The following PGR variants were observed in gnomAD, a reference collection of about 807,000 sequenced individuals.
The protein encoded by PGR is nuclear receptor subfamily 3 group C member 3.
PGR carries 25 observed loss-of-function variants against 76.1 expected under a neutral mutation model. The ratio of observed to expected loss-of-function variants is 0.33; its 90% CI spans 0.24 to 0.46. PGR has a LOEUF of 0.46. PGR is among the 20% of genes least tolerant of loss of function. PGR has a pLI of 1.00. For synonymous variants in PGR, 579 were observed against 535.0 expected (o/e 1.08, Z -1.14); for missense variants, 1,172 against 1,225.3 (o/e 0.96, Z 0.65).
intron 3 of PGR, among the ~76,000 whole-genome samples, chr11:101,078,980 C>A (rs970371968): frequency 7.9e-5 from 12 of 152,178 alleles, no homozygotes; most frequent in South Asian, 2.1e-4. Flanking sequence ...TAAAGCCATG[C>A]ATTAACAGTC....
chr11:101,091,878 TAAA>T lies in PGR; in HGVS notation c.1790-5_1790-3del. 1 of 1,494,784 alleles carries T rather than the reference TAAA, an allele frequency of 6.7e-7. No homozygotes were observed. Among genetic ancestry groups the T allele is most frequent in the East Asian group, 2.3e-5 (1 of 44,230 alleles). 92.6% of individuals were successfully genotyped at this position (1,494,784 alleles called of 1,614,324 possible). ...CAGCACATAAGTAGTTGTGCTGCCC[TAAA>T]AAAACAAAATGAGTCAAAATTATTT... On this transcript the variant is annotated splice_polypyrimidine_tract_variant and splice_region_variant and intron_variant, in intron 2 of 7. Transcript: ENST00000325455.
At position 101,030,180 on chromosome 11, in the gene PGR, C is replaced by T. The variant is rs1015352220; in HGVS notation, c.*8936G>A. 9.1e-6 allele frequency: 2 copies of T among 219,746 alleles called. No individual in the cohort carries two copies. Among genetic ancestry groups the T allele is most frequent in the Non-Finnish European group, 1.8e-5 (2 of 109,786 alleles). The allele number at this position is 219,746 out of a possible 1,614,324, so 13.6% of individuals were successfully genotyped here. On this transcript the variant is annotated 3_prime_UTR_variant, in exon 8 of 8. Coordinates refer to ENST00000325455, the MANE Select transcript of PGR (RefSeq NM_000926.4). Reference sequence around the variant, plus strand: ...TAGTAGCATTAATAACTAAATAGGGCGTGAGTCATGAGAAAGATTCCCTGC... The same window carrying T: ...TAGTAGCATTAATAACTAAATAGGGTGTGAGTCATGAGAAAGATTCCCTGC...
intron 3 of PGR, among the ~76,000 whole-genome samples, chr11:101,079,080 T>C (rs1212718790): frequency 2.0e-5 from 3 of 152,092 alleles, no homozygotes; most frequent in African/African-American, 7.2e-5. Context: ...GCTACCTATA[T>C]GCAGAAAACA....
chr11:101,038,952 G>T lies in PGR; in HGVS notation c.*164C>A. On this transcript the variant is annotated 3_prime_UTR_variant, in exon 8 of 8. Coordinates refer to ENST00000325455, the MANE Select transcript of PGR (RefSeq NM_000926.4). ...AACATTCTAATTATACTTTATAAAA[G>T]AAAATAATTAGAACCTCACAATTTT... 1 of 555,432 alleles carries T rather than the reference G, an allele frequency of 1.8e-6. No homozygotes were observed. The highest frequency in any genetic ancestry group is 3.2e-6 in the Non-Finnish European group (1 of 315,412). The allele number at this position is 555,432 out of a possible 1,614,324, so 34.4% of individuals were successfully genotyped here.
At chr11:101,086,215 C>G (rs578124182) in intron 3 of PGR, among the ~76,000 whole-genome samples, 1 of 152,242 alleles carries the variant, frequency 6.6e-6, no homozygotes, top group African/African-American at 2.4e-5. Flanking sequence ...CACTAGCAAA[C>G]CAAATCAAAC....
At chr11:101,113,642 T>G (rs1862413512) in intron 2 of PGR, among the ~76,000 whole-genome samples, 1 of 152,134 alleles carries the variant, frequency 6.6e-6, no homozygotes, top group Admixed American at 6.6e-5. Context: ...GAAATGCATA[T>G]CCTTTTATAA....
intron 2 of PGR, among the ~76,000 whole-genome samples, chr11:101,106,231 T>C (rs1481155973): frequency 1.3e-5 from 2 of 152,050 alleles, no homozygotes; most frequent in Admixed American, 6.6e-5. Context: ...ACAAATGGGA[T>C]CTAATTAAAC....
At chr11:101,077,675 A>G (rs150344291) in intron 3 of PGR, among the ~76,000 whole-genome samples, 232 of 152,274 alleles carry the variant, frequency 1.5e-3, no homozygotes, top group Non-Finnish European at 2.7e-3. Flanking sequence ...AAGCAAAGAA[A>G]TGAGAATGAA....
intron 3 of PGR, among the ~76,000 whole-genome samples, chr11:101,073,171 C>G (rs1232254413): frequency 6.6e-6 from 1 of 152,204 alleles, no homozygotes; most frequent in East Asian, 1.9e-4. Context: ...TTAAGAAACT[C>G]ACTCAAAACT....
At chr11:101,111,995 G>A (rs556493989) in intron 2 of PGR, among the ~76,000 whole-genome samples, 3 of 152,298 alleles carry the variant, frequency 2.0e-5, no homozygotes, top group South Asian at 2.1e-4. Context: ...AGAGAGGGTC[G>A]TGTCTTGAAA....
rs549845112 is a variant in PGR, at chr11:101,092,567, G to A, written c.1790-691C>T. ...TATAGAAGTATAGACAATACACATC[G>A]CACATCACCCTGGGGTCACTTTGTG... On this transcript the variant is annotated intron_variant, in intron 2 of 7. Coordinates refer to ENST00000325455, the MANE Select transcript of PGR (RefSeq NM_000926.4). Among the ~76,000 whole-genome samples the A allele has an allele frequency of 3.2e-4, 48 of 152,230 alleles. No homozygotes were observed. In the Middle Eastern group the frequency reaches 0.01, roughly 32 times the overall value.
rs941805757 is a variant in PGR at position 101,036,057 on chromosome 11, T to C, written c.*3059A>G. On this transcript the variant is annotated 3_prime_UTR_variant, in exon 8 of 8. Transcript: ENST00000325455. ...AATGACTTGCTTAATCTCATCCAGC[T>C]AGTAAGTGGCAGAGAAGGGGGGCAC... 4.5e-6 allele frequency: 1 copy of C among 223,054 alleles called. No individual in the cohort carries two copies. 13.8% of individuals were successfully genotyped at this position (223,054 alleles called of 1,614,324 possible).
rs111810948 is a variant in PGR, at chr11:101,062,613, C to G, written c.2046G>C (p.Gln682His). The stretch of plus-strand genomic sequence containing the variant: ...ACAGGTTGATCAGTGGTGGAATCAA[C>G]TGTATGTCTTGACCTGGTGAAAAAG... ...RFTFSPGQDI[Q>H]LIPPLINLLM... Residue 682 changes from glutamine (Q) to histidine (H), a missense_variant, in exon 4 of 8, where the codon CAG (glutamine) becomes CAC (histidine). Gln to His is a conservative substitution (Grantham distance 24). Coordinates refer to ENST00000325455, the MANE Select transcript of PGR (RefSeq NM_000926.4). The G allele has an allele frequency of 2.5e-5, 40 of 1,614,044 alleles. No individual in the cohort carries two copies. The African/African-American group carries it at 3.6e-4, about 15-fold the overall frequency.
At chr11:101,080,468 G>GA (rs933990834) in intron 3 of PGR, among the ~76,000 whole-genome samples, 16 of 144,406 alleles carry the variant, frequency 1.1e-4, no homozygotes, top group South Asian at 2.2e-4. Flanking sequence ...TATAGGGAAA[G>GA]AAAAAAAAAA....
rs1235270148 is a variant in PGR, at chr11:101,128,437, G to T, written c.634C>A (p.Pro212Thr). Residue 212 changes from proline to threonine, a missense_variant, in exon 1 of 8, where the codon CCG becomes ACG. Physicochemically the swap from Pro to Thr is conservative, Grantham distance 38. Transcript: ENST00000325455. ...TCCACCGCAGCGGCCTGCGGAGACG[G>T]CTTCACTGGGGCCCCGGACCAGTGA... Reference protein sequence around the residue: ...SPHWSGAPVKPSPQAAAVEVE... With the variant: ...SPHWSGAPVKTSPQAAAVEVE... 3.1e-6 allele frequency: 5 copies of T among 1,610,472 alleles called. No individual in the cohort carries two copies. Among genetic ancestry groups the T allele is most frequent in the Non-Finnish European group, 4.2e-6 (5 of 1,179,802 alleles).
Position 101,128,371 on chromosome 11 carries a change from C to G in PGR, c.700G>C (p.Gly234Arg). Residue 234 changes from glycine (G) to arginine (R), a missense_variant, in exon 1 of 8, where the codon GGT becomes CGT. Physicochemically the swap from Gly to Arg is moderately radical, Grantham distance 125 (BLOSUM62 -2). Coordinates refer to ENST00000325455, the MANE Select transcript of PGR (RefSeq NM_000926.4). Reference protein sequence around the residue: ...EDGSESEESAGPLLKGKPRAL... With the variant: ...EDGSESEESARPLLKGKPRAL... ...CGAGGTTTGCCCTTCAGAAGCGGAC[C>G]CGCAGACTCCTCGGACTCAGAGCCA... 1 of 1,607,090 alleles carries G rather than the reference C, an allele frequency of 6.2e-7. No individual in the cohort carries two copies. Among genetic ancestry groups the G allele is most frequent in the Non-Finnish European group, 8.5e-7 (1 of 1,179,676 alleles).
In PGR at chr11:101,033,746, G is replaced by A; in HGVS notation, c.*5370C>T. 4.8e-6 allele frequency: 1 copy of A among 206,226 alleles called. No homozygotes were observed. Among genetic ancestry groups the A allele is most frequent in the Non-Finnish European group, 9.9e-6 (1 of 100,954 alleles). The allele number at this position is 206,226 out of a possible 1,614,324, so 12.8% of individuals were successfully genotyped here. ...TGGCAAAAAGCTTGAAACCACTGCT[G>A]TCTAAAATAATTCATAACAGTAAAA... is the stretch of plus-strand genomic sequence containing the variant. On this transcript the variant is annotated 3_prime_UTR_variant, in exon 8 of 8. Coordinates refer to ENST00000325455, the MANE Select transcript of PGR (RefSeq NM_000926.4).
chr11:101,085,516 T>A (rs1861463287), intron 3 of PGR, among the ~76,000 whole-genome samples: 3 of 70,962 alleles, frequency 4.2e-5, no homozygotes, highest in Non-Finnish European at 2.6e-5. Context: ...ACATCACACC[T>A]AGAGGAACTA....
rs1279278874 is a variant in PGR at position 101,127,867 on chromosome 11, G to A, written c.1204C>T (p.Arg402Cys). 1 of 1,599,638 alleles carries A rather than the reference G, an allele frequency of 6.3e-7. No individual in the cohort carries two copies. The change falls in exon 1 of 8, where the codon CGT becomes TGT. Residue 402 changes from arginine (R) to cysteine (C), a missense_variant. Arg to Cys is a radical substitution (Grantham distance 180). This residue lies in a region of PGR where 893 missense variants were observed against 785.9 expected (regional missense o/e 1.14). Coordinates refer to ENST00000325455, the MANE Select transcript of PGR (RefSeq NM_000926.4). The stretch of plus-strand genomic sequence containing the variant: ...TTGGCACCGGCCACAAGGTAGGAAC[G>A]CGGGGAGCGCGCGGAGGCCTCCGCG... ...EGAEASARSP[R>C]SYLVAGANPA...
Sources: allele counts gnomAD v4.1 joint callset (sites outside exome capture counted in the v4.1 genomes callset), GRCh38; gene constraint gnomAD v4.1.1; regional missense constraint gnomAD v4.1.1; transcripts MANE v1.5; gene names NCBI Gene and HGNC (gene_info 2026-07-23, HGNC 2026-07-21).